ATPAF2: variants seen among roughly 807,000 people sequenced by gnomAD.
The protein encoded by ATPAF2 is ATP synthase mitochondrial F1 complex assembly factor 2.
A neutral mutation model predicts 36.6 loss-of-function variants in ATPAF2; 30 were observed. The observed-to-expected ratio is 0.82, with a 90% confidence interval of 0.61 to 1.11. The LOEUF is 1.11. Among genes scored for constraint, ATPAF2 ranks in the 50% most tolerant of loss-of-function variants. The pLI is 0.00. For missense variants in ATPAF2, 321 were observed against 372.3 expected, an observed-to-expected ratio of 0.86 and a Z score of 1.13; for synonymous variants, 140 against 152.6, an observed-to-expected ratio of 0.92 and a Z score of 0.61.
intron 3 of ATPAF2, among the ~76,000 whole-genome samples, chr17:18,027,695 G>A (rs570415509): frequency 6.0e-4 from 91 of 152,098 alleles, no homozygotes; most frequent in Admixed American, 1.6e-3. Flanking sequence ...TGGTGTGGAC[G>A]AGGGGGCTGG....
chr17:18,016,795 C>T (rs577922548), downstream of ATPAF2: 5 of 547,484 alleles, frequency 9.1e-6, no homozygotes, highest in African/African-American at 7.6e-5. Context: ...CGATCCCCAA[C>T]ACCATTCTTC....
intron 1 of ATPAF2, among the ~76,000 whole-genome samples, chr17:18,034,173 TG>T (rs1022680509): frequency 1.3e-5 from 2 of 151,664 alleles, no homozygotes; most frequent in African/African-American, 2.4e-5. Context: ...GAGACCGAGG[TG>T]GGAAGATTGC....
rs996965510 is a variant in ATPAF2 at position 18,027,675 on chromosome 17, C to T, written c.324+557G>A. 2.2e-3 allele frequency among the ~76,000 whole-genome samples: 342 copies of T among 152,214 alleles called. 1 individual carries two copies. The highest frequency in any genetic ancestry group is 3.6e-3 in the Non-Finnish European group (248 of 67,962). ...TCCCCAGGCAGCCTTGGTGCCTAGG[C>T]GAGCCACTTTGGTGTGGACGAGGGG... On this transcript the variant is annotated intron_variant, in intron 3 of 7. Transcript: ENST00000474627.
chr17:18,020,033 A>G (rs2145484985), intron 7 of ATPAF2, among the ~76,000 whole-genome samples: 1 of 152,290 alleles, frequency 6.6e-6, no homozygotes. Context: ...ATACAAAAAT[A>G]GTTTTTTCCC....
chr17:18,021,682 A>G (rs1387508015), intron 6 of ATPAF2, 63 bp downstream of exon 6: 1 of 1,413,972 alleles, frequency 7.1e-7, no homozygotes, highest in Non-Finnish European at 1.0e-6. Flanking sequence ...GGGCAAGTAC[A>G]GGCTTCAGAC....
chr17:18,016,928 C>T (rs1038431142), downstream of ATPAF2: 10 of 297,730 alleles, frequency 3.4e-5, no homozygotes, highest in Admixed American at 4.8e-5. Context: ...AATCCCAGCA[C>T]TTTGGGAGGC....
intron 3 of ATPAF2, among the ~76,000 whole-genome samples, chr17:18,027,212 C>T (rs2044559966): frequency 6.7e-6 from 1 of 150,012 alleles, no homozygotes; most frequent in Admixed American, 6.6e-5. Context: ...CAGAGTTAGA[C>T]TGTTTAAAAA....
intron 1 of ATPAF2, among the ~76,000 whole-genome samples, chr17:18,037,071 CAAAAT>C (rs1354501465): frequency 6.6e-6 from 1 of 152,126 alleles, no homozygotes; most frequent in Non-Finnish European, 1.5e-5. Context: ...AACTCCATCT[CAAAAT>C]AAATAAATAA....
At chr17:18,019,801 C>T (rs969985790) in intron 7 of ATPAF2, among the ~76,000 whole-genome samples, 1 of 152,256 alleles carries the variant, frequency 6.6e-6, no homozygotes, top group Non-Finnish European at 1.5e-5. Flanking sequence ...AATATGTCAT[C>T]TGAAGAGTAT....
intron 1 of ATPAF2, among the ~76,000 whole-genome samples, chr17:18,036,983 A>G (rs991910056): frequency 1.3e-5 from 2 of 152,014 alleles, no homozygotes; most frequent in African/African-American, 4.8e-5. Context: ...AGGCAGGAGA[A>G]TTGCTTGAAT....
At chr17:18,016,617 C>T (rs746498324), downstream of ATPAF2, 46 of 1,613,710 alleles carry the variant, frequency 2.9e-5, no homozygotes, top group East Asian at 8.9e-5. Context: ...ATCAGTACAT[C>T]GACCACATGC....
intron 3 of ATPAF2, chr17:18,026,661 G>C: frequency 1.7e-6 from 1 of 581,914 alleles, no homozygotes; most frequent in Non-Finnish European, 3.1e-6. Context: ...CCCAGGATTA[G>C]TGAACCTCCC....
downstream of ATPAF2, chr17:18,015,739 T>C (rs1213701188): frequency 1.2e-5 from 3 of 255,256 alleles, no homozygotes; most frequent in Non-Finnish European, 2.3e-5. Flanking sequence ...GAGAGAAGCA[T>C]TGTGAGAACA....
chr17:18,015,677 C>T, downstream of ATPAF2: 1 of 186,328 alleles, frequency 5.4e-6, no homozygotes, highest in Non-Finnish European at 1.1e-5. Context: ...CAGCCTCATG[C>T]TTCCACCCAG....
Position 18,024,617 on chromosome 17 carries a change from A to C in ATPAF2, c.503+7T>G, listed in dbSNP as rs1424676562. The C allele has an allele frequency of 6.2e-7, 1 of 1,613,282 alleles. No individual in the cohort carries two copies. Among genetic ancestry groups the C allele is most frequent in the South Asian group, 1.1e-5 (1 of 91,046 alleles). On this transcript the variant is annotated splice_region_variant and intron_variant, in intron 5 of 7. Coordinates refer to ENST00000474627, the MANE Select transcript of ATPAF2 (RefSeq NM_145691.4). ...GTCAGTGCTTTCTGCAGGGCTGTAC[A>C]TCTTACCTTTTCTCAGCCCATTCGA... is the stretch of plus-strand genomic sequence containing the variant.
chr17:18,017,207 AAT>A (rs2044394212), downstream of ATPAF2, among the ~76,000 whole-genome samples: 1 of 128,772 alleles, frequency 7.8e-6, no homozygotes, highest in Admixed American at 8.3e-5. Flanking sequence ...AAAAAAAAAA[AAT>A]GTTCATGTAG....
At position 18,020,971 on chromosome 17, in the gene ATPAF2, T is replaced by C. The variant is rs1034981054; in HGVS notation, c.732+152A>G. 7.1e-5 allele frequency: 102 copies of C among 1,445,984 alleles called. 1 individual carries two copies. In the Admixed American group the frequency reaches 2.4e-3, roughly 34 times the overall value. 89.6% of individuals were successfully genotyped at this position (1,445,984 alleles called of 1,614,324 possible). ...CCACCATGCCAGGCCTACTTGACAA[T>C]ACTTCTGCTGGTCCTTGATTTTGAT... is the stretch of plus-strand genomic sequence containing the variant. On this transcript the variant is annotated intron_variant, in intron 7 of 7. Coordinates refer to ENST00000474627, the MANE Select transcript of ATPAF2 (RefSeq NM_145691.4).
At chr17:18,028,681 G>C in intron 1 of ATPAF2, 22 bp from the exon 2 acceptor site, 2 of 1,611,954 alleles carry the variant, frequency 1.2e-6, no homozygotes, top group Non-Finnish European at 8.5e-7. Flanking sequence ...ATTTTTCAAA[G>C]AGGCAGTTTA....
At chr17:18,034,417 A>C (rs78597183) in intron 1 of ATPAF2, among the ~76,000 whole-genome samples, 1 of 152,212 alleles carries the variant, frequency 6.6e-6, no homozygotes, top group Non-Finnish European at 1.5e-5. Flanking sequence ...TTAAAAAAAA[A>C]CAATGGTCAA....
Sources: allele counts gnomAD v4.1 joint callset (sites outside exome capture counted in the v4.1 genomes callset), GRCh38; gene constraint gnomAD v4.1.1; transcripts MANE v1.5; gene names NCBI Gene and HGNC (gene_info 2026-07-23, HGNC 2026-07-21).